Variants in LMO4 observed in about 807,000 individuals in gnomAD.
The protein encoded by LMO4 is LIM domain transcription factor LMO4.
A neutral mutation model predicts 18.5 loss-of-function variants in LMO4; 3 were observed. The ratio of observed to expected loss-of-function variants is 0.16; its 90% CI spans 0.07 to 0.42. LMO4 has a LOEUF of 0.42. LMO4 is among the 10% of genes least tolerant of loss of function. The pLI is 0.99. For missense variants in LMO4, 121 were observed against 219.9 expected, an observed-to-expected ratio of 0.55 and a Z score of 2.84; for synonymous variants, 100 against 88.1, an observed-to-expected ratio of 1.14 and a Z score of -0.76.
chr1:87,331,940 C>A lies in LMO4; in HGVS notation c.-3-73C>A, dbSNP rs1426048718. ...GAGGAGGGGAATGGGCTTGCTCTCT[C>A]TCCGGCGATTACTAACTTTTGCATC... On this transcript the variant is annotated intron_variant, in intron 1 of 4. Transcript: ENST00000370544. The A allele has an allele frequency of 2.4e-6, 3 of 1,249,124 alleles. No homozygotes were observed. The African/African-American group carries it at 4.4e-5, about 18-fold the overall frequency. The allele number at this position is 1,249,124 out of a possible 1,614,324, so 77.4% of individuals were successfully genotyped here.
Position 87,348,839 on chromosome 1 carries a change from T to G in LMO4, c.*4043T>G. ...CGGAGGCCTCAAGCCAATAATGTAC[T>G]ACAGGCCCTGACATGTTACAGCTGT... On this transcript the variant is annotated 3_prime_UTR_variant, in exon 5 of 5. Transcript: ENST00000370544. 1 of 475,916 alleles carries G rather than the reference T, an allele frequency of 2.1e-6. No individual in the cohort carries two copies. Among genetic ancestry groups the G allele is most frequent in the Non-Finnish European group, 4.2e-6 (1 of 237,144 alleles). 29.5% of individuals were successfully genotyped at this position (475,916 alleles called of 1,614,324 possible).
At chr1:87,331,100 T>C (rs920102286) in intron 1 of LMO4, 1 of 106,068 alleles carries the variant, frequency 9.4e-6, no homozygotes, top group African/African-American at 3.8e-5. Context: ...GGAACAAAGC[T>C]TTAGCATTTA....
rs1218597727 is a variant in LMO4 at position 87,346,799 on chromosome 1, A to C, written c.*2003A>C. 5 of 152,262 alleles carry C rather than the reference A, an allele frequency of 3.3e-5. No homozygotes were observed. Among genetic ancestry groups the C allele is most frequent in the African/African-American group, 9.6e-5 (4 of 41,480 alleles). The allele number at this position is 152,262 out of a possible 1,614,324, so 9.4% of individuals were successfully genotyped here. A position where few individuals can be genotyped will look rare whatever the true frequency, so the allele number is the denominator to read the frequency against. ...GAAATCACATATATATGTTTGAATT[A>C]GATGTCTGTTTGAATTAGATCCTTG... On this transcript the variant is annotated 3_prime_UTR_variant, in exon 5 of 5. Transcript: ENST00000370544.
At chr1:87,333,004 C>T (rs1650199544) in intron 2 of LMO4, among the ~76,000 whole-genome samples, 1 of 152,078 alleles carries the variant, frequency 6.6e-6, no homozygotes, top group Admixed American at 6.5e-5. Flanking sequence ...TGCCCTTGAT[C>T]CCCAAAAGAG....
chr1:87,341,345 C>T (rs1650467976), intron 4 of LMO4, among the ~76,000 whole-genome samples: 1 of 152,102 alleles, frequency 6.6e-6, no homozygotes, highest in African/African-American at 2.4e-5. Flanking sequence ...CAGGCAATCA[C>T]ACAGCACTGA....
intron 2 of LMO4, among the ~76,000 whole-genome samples, chr1:87,333,700 TTAAGATGGCAGCA>T (rs1557613478): frequency 1.3e-5 from 2 of 152,198 alleles, no homozygotes; most frequent in Admixed American, 1.3e-4. Context: ...TATTTTTAAA[TTAAGATGGCAGCA>T]TTAATTTCAC....
chr1:87,348,084 A>G lies in LMO4; in HGVS notation c.*3288A>G, dbSNP rs1401456932. 6.6e-6 allele frequency: 1 copy of G among 152,242 alleles called. No homozygotes were observed. The highest frequency in any genetic ancestry group is 1.5e-5 in the Non-Finnish European group (1 of 68,060). The allele number at this position is 152,242 out of a possible 1,614,324, so 9.4% of individuals were successfully genotyped here. Reference sequence around the variant, plus strand: ...CTCTTAAAGGGCTTTAAATGTCAATATAGTAAGATTCTAATGTGCACTACT... The same window carrying G: ...CTCTTAAAGGGCTTTAAATGTCAATGTAGTAAGATTCTAATGTGCACTACT... On this transcript the variant is annotated 3_prime_UTR_variant, in exon 5 of 5. Coordinates refer to ENST00000370544, the MANE Select transcript of LMO4 (RefSeq NM_006769.4).
Position 87,339,531 on chromosome 1 carries a change from T to C in LMO4, c.237-5T>C. The C allele has an allele frequency of 6.2e-7, 1 of 1,610,472 alleles. No individual in the cohort carries two copies. Among genetic ancestry groups the C allele is most frequent in the African/African-American group, 1.3e-5 (1 of 74,984 alleles). ...ACTGGTGTCAACCGTTATTCTTTGT[T>C]TCAGGTTATTTGGAAATAGCGGTGC... On this transcript the variant is annotated splice_polypyrimidine_tract_variant and splice_region_variant and intron_variant, in intron 2 of 4. Transcript: ENST00000370544.
intron 4 of LMO4, among the ~76,000 whole-genome samples, chr1:87,342,851 G>T (rs1394306217): frequency 1.3e-5 from 2 of 152,116 alleles, no homozygotes; most frequent in African/African-American, 2.4e-5. Context: ...ACTGCTTTTT[G>T]GAACTGGAGA....
intron 4 of LMO4, 54 bp downstream of exon 4, chr1:87,340,256 A>G (rs1158985561): frequency 4.5e-6 from 7 of 1,540,238 alleles, no homozygotes; most frequent in Non-Finnish European, 6.2e-6. Flanking sequence ...GGAAGGTTCA[A>G]CCTCTTAACC....
In LMO4 at chr1:87,329,132, C is replaced by T. The variant is rs1650055710; in HGVS notation, c.-116C>T. On this transcript the variant is annotated 5_prime_UTR_variant, in exon 1 of 5. Transcript: ENST00000370544. ...CCTTTCCTGCTTCTGCGAGAACTCC[C>T]TCCCTCCCTCCAGCTCCGCCAGCCC... 2.6e-5 allele frequency: 4 copies of T among 152,154 alleles called. No individual in the cohort carries two copies. Among genetic ancestry groups the T allele is most frequent in the Admixed American group, 2.6e-4 (4 of 15,274 alleles). The allele number at this position is 152,154 out of a possible 1,614,324, so 9.4% of individuals were successfully genotyped here.
At chr1:87,340,621 C>T (rs1433457375) in intron 4 of LMO4, among the ~76,000 whole-genome samples, 2 of 152,134 alleles carry the variant, frequency 1.3e-5, no homozygotes, top group Non-Finnish European at 1.5e-5. Flanking sequence ...ATGATTTCTG[C>T]GTTAGGAATA....
intron 2 of LMO4, among the ~76,000 whole-genome samples, chr1:87,333,575 T>C (rs1650212389): frequency 6.6e-6 from 1 of 152,182 alleles, no homozygotes; most frequent in African/African-American, 2.4e-5. Context: ...ATATCATTAG[T>C]GTAAGATGAT....
At chr1:87,333,346 GCA>G (rs1650205862) in intron 2 of LMO4, among the ~76,000 whole-genome samples, 1 of 138,192 alleles carries the variant, frequency 7.2e-6, no homozygotes, top group African/African-American at 3.2e-5. Flanking sequence ...CTAGAAAACC[GCA>G]CACTTTTAAG....
chr1:87,338,761 C>T (rs1650386085), intron 2 of LMO4, among the ~76,000 whole-genome samples: 1 of 152,158 alleles, frequency 6.6e-6, no homozygotes, highest in Admixed American at 6.5e-5. Context: ...ACAGCAAACA[C>T]CCAGAGAGAT....
At chr1:87,336,972 GAA>G (rs201485030) in intron 2 of LMO4, among the ~76,000 whole-genome samples, 4 of 145,976 alleles carry the variant, frequency 2.7e-5, no homozygotes, top group African/African-American at 8.0e-5. Context: ...GAAACGTTGT[GAA>G]AAAACACACA....
At chr1:87,331,841 CCTCCCT>C in intron 1 of LMO4, 166 bp from the exon 2 acceptor site, 2 of 578,932 alleles carry the variant, frequency 3.5e-6, no homozygotes, top group Admixed American at 3.1e-5. Flanking sequence ...TGCCGGCGAG[CCTCCCT>C]TCTTCCCTCT....
chr1:87,339,702 C>T (rs533651333), intron 3 of LMO4, 70 bp downstream of exon 3: 6 of 960,146 alleles, frequency 6.2e-6, no homozygotes. Context: ...GGGGGCAAAG[C>T]ATTTCTCCTT....
intron 4 of LMO4, among the ~76,000 whole-genome samples, chr1:87,341,798 T>C (rs2100567291): frequency 6.6e-6 from 1 of 152,324 alleles, no homozygotes; most frequent in Non-Finnish European, 1.5e-5. Context: ...AACTAACCAG[T>C]CACTGCTGAT....
Sources: allele counts gnomAD v4.1 joint callset (sites outside exome capture counted in the v4.1 genomes callset), GRCh38; gene constraint gnomAD v4.1.1; transcripts MANE v1.5; gene names NCBI Gene and HGNC (gene_info 2026-07-23, HGNC 2026-07-21).